DENND1A: variants seen among roughly 807,000 people sequenced by gnomAD.
The protein encoded by DENND1A is DENN domain-containing protein 1A.
Under a neutral mutation model 113.7 loss-of-function variants are expected in DENND1A, and 51 were observed. The ratio of observed to expected loss-of-function variants is 0.45; its 90% CI spans 0.36 to 0.57. The LOEUF (loss-of-function observed/expected upper bound fraction) is 0.57. Among genes scored for constraint, DENND1A ranks in the 20% least tolerant of loss-of-function variants. The probability of loss-of-function intolerance (pLI) is 0.00; values close to 1 mark genes in which losing one functional copy is unlikely to be tolerated. For missense variants in DENND1A, 1,258 were observed against 1,395.9 expected (o/e 0.90, Z 1.57); for synonymous variants, 565 against 570.8 (o/e 0.99, Z 0.14).
chr9:123,480,354 C>T (rs1260486734), intron 13 of DENND1A, among the ~76,000 whole-genome samples: 1 of 152,194 alleles, frequency 6.6e-6, no homozygotes, highest in Admixed American at 6.5e-5. Flanking sequence ...CTCTTCTTAG[C>T]TTAGCGTGCC....
chr9:123,695,335 T>G (rs2065443857), intron 5 of DENND1A, among the ~76,000 whole-genome samples: 1 of 152,160 alleles, frequency 6.6e-6, no homozygotes, highest in South Asian at 2.1e-4. Context: ...TTATTGAAAT[T>G]ATAAATCATT....
intron 21 of DENND1A, among the ~76,000 whole-genome samples, chr9:123,398,480 T>C (rs545758204): frequency 6.6e-6 from 1 of 152,098 alleles, no homozygotes; most frequent in South Asian, 2.1e-4. Flanking sequence ...GTTCACGCCA[T>C]TCTCCTGCCT....
intron 1 of DENND1A, among the ~76,000 whole-genome samples, chr9:123,902,569 G>C (rs899734009): frequency 3.9e-5 from 6 of 152,142 alleles, no homozygotes; most frequent in Admixed American, 6.5e-5. Flanking sequence ...AATCTAGATA[G>C]AGCTCTCCTT....
At chr9:123,574,187 T>G (rs534935333) in intron 12 of DENND1A, among the ~76,000 whole-genome samples, 95 of 150,532 alleles carry the variant, frequency 6.3e-4, no homozygotes, top group African/African-American at 2.2e-3. Flanking sequence ...TTTTTTTTTT[T>G]TTTTGTTTGT....
At chr9:123,683,387 T>G (rs899542023) in intron 5 of DENND1A, among the ~76,000 whole-genome samples, 1 of 152,102 alleles carries the variant, frequency 6.6e-6, no homozygotes, top group African/African-American at 2.4e-5. Context: ...TGGAAAAAAA[T>G]GACTCCTTTT....
intron 5 of DENND1A, among the ~76,000 whole-genome samples, chr9:123,688,985 C>G (rs937840011): frequency 6.6e-6 from 1 of 152,206 alleles, no homozygotes; most frequent in Admixed American, 6.5e-5. Context: ...GATGCTCAGT[C>G]AGCAAACCTC....
At chr9:123,778,504 T>C (rs1230939582) in intron 3 of DENND1A, among the ~76,000 whole-genome samples, 2 of 152,366 alleles carry the variant, frequency 1.3e-5, no homozygotes, top group East Asian at 3.9e-4. Flanking sequence ...CAGTTTGAGC[T>C]TATCCTATGA....
intron 3 of DENND1A, among the ~76,000 whole-genome samples, chr9:123,779,871 A>ATTTTTTTTTTTTTTT (rs1554752627): frequency 9.6e-6 from 1 of 104,036 alleles, no homozygotes; most frequent in Non-Finnish European, 1.8e-5. Flanking sequence ...CTTGCATGAG[A>ATTTTTTTTTTTTTTT]CTTTTTTTTG....
chr9:123,652,153 G>A (rs1227190018), intron 8 of DENND1A, 30 bp from the exon 9 acceptor site: 1 of 1,577,724 alleles, frequency 6.3e-7, no homozygotes, highest in Non-Finnish European at 8.7e-7. Context: ...ACGGTTTGTG[G>A]CTGATTTTCT....
intron 4 of DENND1A, among the ~76,000 whole-genome samples, chr9:123,763,873 A>G (rs1278462963): frequency 2.6e-5 from 4 of 152,154 alleles, no homozygotes; most frequent in Non-Finnish European, 4.4e-5. Context: ...AGCAGAAGAC[A>G]AGCTGAAGAA....
At chr9:123,583,098 T>A (rs918232809) in intron 12 of DENND1A, 71 bp downstream of exon 12, 1 of 1,174,668 alleles carries the variant, frequency 8.5e-7, no homozygotes, top group Non-Finnish European at 1.2e-6. Context: ...TCCTTCCCCA[T>A]TCCCCAAAGT....
At chr9:123,904,327 G>T (rs938856901) in intron 1 of DENND1A, among the ~76,000 whole-genome samples, 59 of 151,816 alleles carry the variant, frequency 3.9e-4, no homozygotes, top group Non-Finnish European at 7.2e-4. Context: ...TCCTCCAAAG[G>T]AACGCAGTTC....
intron 5 of DENND1A, among the ~76,000 whole-genome samples, chr9:123,739,584 A>G (rs894792917): frequency 2.3e-4 from 35 of 152,166 alleles, no homozygotes; most frequent in Admixed American, 2.2e-3. Context: ...TCAGGTTTTC[A>G]GGTCCTACTC....
intron 18 of DENND1A, among the ~76,000 whole-genome samples, chr9:123,448,739 T>A (rs2047490249): frequency 6.6e-6 from 1 of 152,244 alleles, no homozygotes; most frequent in African/African-American, 2.4e-5. Flanking sequence ...AGGATGTGAA[T>A]CTCAGCTGTT....
chr9:123,889,994 A>G lies in DENND1A; in HGVS notation c.18-10973T>C, dbSNP rs941199836. Reference sequence around the variant, plus strand: ...ATCTTCGGGAAAAAAAAAAAATTCAAAAGAGTCCATGGATGTGCAACTTAT... The same window carrying G: ...ATCTTCGGGAAAAAAAAAAAATTCAGAAGAGTCCATGGATGTGCAACTTAT... On this transcript the variant is annotated intron_variant, in intron 1 of 23. Transcript: ENST00000394215. 3.9e-5 allele frequency among the ~76,000 whole-genome samples: 6 copies of G among 152,264 alleles called. 1 individual carries two copies. The highest frequency in any genetic ancestry group is 2.1e-4 in the South Asian group (1 of 4,812).
At chr9:123,906,251 A>G (rs1588178905) in intron 1 of DENND1A, among the ~76,000 whole-genome samples, 2 of 141,896 alleles carry the variant, frequency 1.4e-5, no homozygotes, top group Middle Eastern at 3.6e-3. Flanking sequence ...CACAAGAGAA[A>G]GCAGGAAAGA....
intron 2 of DENND1A, among the ~76,000 whole-genome samples, chr9:123,811,312 C>G (rs1227872199): frequency 6.6e-6 from 1 of 152,182 alleles, no homozygotes; most frequent in Non-Finnish European, 1.5e-5. Context: ...TGGGAAACAT[C>G]TGGAGACTGA....
At position 123,929,990 on chromosome 9, in the gene DENND1A, C is replaced by A. The variant is rs1249692380; in HGVS notation, c.-85G>T. Reference sequence around the variant, plus strand: ...CCGCGGCCGACCGGCCTCCCTCTGGCGCTCTCCCCGCCCCTTCCTCCCTTC... The same window carrying A: ...CCGCGGCCGACCGGCCTCCCTCTGGAGCTCTCCCCGCCCCTTCCTCCCTTC... On this transcript the variant is annotated 5_prime_UTR_variant, in exon 1 of 24. Transcript: ENST00000394215. 3.7e-6 allele frequency: 1 copy of A among 268,128 alleles called. No individual in the cohort carries two copies. Among genetic ancestry groups the A allele is most frequent in the South Asian group, 1.2e-4 (1 of 8,598 alleles). The allele number at this position is 268,128 out of a possible 1,614,324, so 16.6% of individuals were successfully genotyped here. A position where few individuals can be genotyped will look rare whatever the true frequency, so the allele number is the denominator to read the frequency against.
chr9:123,619,067 C>A (rs1398532125), intron 10 of DENND1A, among the ~76,000 whole-genome samples: 1 of 152,186 alleles, frequency 6.6e-6, no homozygotes, highest in Non-Finnish European at 1.5e-5. Flanking sequence ...CCTGCCTCAG[C>A]CTCAGAGTAG....
Sources: allele counts gnomAD v4.1 joint callset (sites outside exome capture counted in the v4.1 genomes callset), GRCh38; gene constraint gnomAD v4.1.1; transcripts MANE v1.5; gene names NCBI Gene and HGNC (gene_info 2026-07-23, HGNC 2026-07-21).